MYO18B: variants seen among roughly 807,000 people sequenced by gnomAD.
MYO18B encodes the protein myosin XVIIIB.
MYO18B carries 204 observed loss-of-function variants against 273.0 expected under a neutral mutation model. That is an observed-to-expected ratio of 0.75 (90% confidence interval 0.67 to 0.84). MYO18B has a LOEUF of 0.84. Ranked by LOEUF, MYO18B falls within the 40% of genes least tolerant of loss-of-function variation. MYO18B has a pLI of 0.00. For missense variants in MYO18B, 3,212 were observed against 3,287.6 expected, an observed-to-expected ratio of 0.98 and a Z score of 0.56; for synonymous variants, 1,330 against 1,305.7, an observed-to-expected ratio of 1.02 and a Z score of -0.40.
At chr22:25,849,611 A>G (rs2090363583) in intron 20 of MYO18B, among the ~76,000 whole-genome samples, 1 of 152,176 alleles carries the variant, frequency 6.6e-6, no homozygotes, top group South Asian at 2.1e-4. Flanking sequence ...TATGTAGTAA[A>G]CATTCATTCA....
rs542456995 is a variant in MYO18B, at chr22:25,978,648, C to G, written c.6157-13715C>G. ...GTGGTGTAGATTGATGAGAGGAACA[C>G]CAGTTTAAAACTATGTGAATCCTGG... On this transcript the variant is annotated intron_variant, in intron 39 of 43. Transcript: ENST00000335473. Among the ~76,000 whole-genome samples the G allele has an allele frequency of 2.0e-5, 3 of 151,250 alleles. No homozygotes were observed. The East Asian group carries it at 5.9e-4, about 30-fold the overall frequency.
intron 13 of MYO18B, among the ~76,000 whole-genome samples, chr22:25,824,819 GCACACATGGTGTGCACACCATGTGTGCAT>G (rs146171668): frequency 0.032 from 4,866 of 151,900 alleles, 151 homozygotes; most frequent in East Asian, 0.14. Context: ...ACATGCTTAT[GCACACATGGTGTGCACACCATGTGTGCAT>G]CACACATGAA....
intron 15 of MYO18B, 34 bp downstream of exon 15, chr22:25,829,002 G>A (rs770402927): frequency 1.2e-6 from 2 of 1,606,832 alleles, no homozygotes; most frequent in South Asian, 1.1e-5. Flanking sequence ...TTTCACCAGA[G>A]CTCCGTGGAT....
chr22:25,873,565 C>T (rs1284657217), intron 22 of MYO18B, among the ~76,000 whole-genome samples: 3 of 152,200 alleles, frequency 2.0e-5, no homozygotes, highest in Non-Finnish European at 2.9e-5. Context: ...CTCAGCCTCC[C>T]GAGTAGCTGG....
rs1190512145 is a variant in MYO18B, at chr22:25,768,692, AG to A, written c.779del (p.Gly260AlafsTer43). 11 of 1,565,368 alleles carry A rather than the reference AG, an allele frequency of 7.0e-6. No homozygotes were observed. Among genetic ancestry groups the A allele is most frequent in the Non-Finnish European group, 9.5e-6 (11 of 1,158,384 alleles). ...ACAGAGCTGAAAGAGGCTGAGCCCC[AG>A]GGCAAAGACAGGCAGGGGACCAGGC... ...KTTELKEAEP[Q>X]GKDRQGTRPQ... is the part of the protein sequence containing the mutation. On this transcript the variant is annotated frameshift_variant, in exon 4 of 44. Coordinates refer to ENST00000335473, the MANE Select transcript of MYO18B (RefSeq NM_032608.7). LOFTEE classifies it high-confidence loss of function.
rs1200710461 is a variant in MYO18B, at chr22:25,890,816, G to A, written c.4375G>A (p.Val1459Met). 3.1e-6 allele frequency: 5 copies of A among 1,613,864 alleles called. No individual in the cohort carries two copies. The highest frequency in any genetic ancestry group is 1.7e-5 in the Admixed American group (1 of 59,998). ...CTTCAAAGGTGATGTGGCCTGCCAGGTGCTGGAGAGTGAGCGGGCAGAGCG... is the reference window on the plus strand; with the variant it reads ...CTTCAAAGGTGATGTGGCCTGCCAGATGCTGGAGAGTGAGCGGGCAGAGCG... ...ERFKGDVACQ[V>M]LESERAERLQ... The change falls in exon 26 of 44, where the codon GTG (valine) becomes ATG (methionine). Residue 1459 changes from valine to methionine, a missense_variant. Transcript: ENST00000335473.
rs267606196 is a variant in MYO18B, at chr22:25,769,031, G to C, written c.1115G>C (p.Gly372Ala). 1 of 1,611,650 alleles carries C rather than the reference G, an allele frequency of 6.2e-7. No individual in the cohort carries two copies. Among genetic ancestry groups the C allele is most frequent in the South Asian group, 1.1e-5 (1 of 90,524 alleles). Reference protein sequence around the residue: ...QGELGDDLRMGEKAGELRSTT... With the variant: ...QGELGDDLRMAEKAGELRSTT... ...GAGTTGGGGGACGATCTGAGAATGG[G>C]GGAGAAAGCAGGTGAGCTTCGGAGC... is the stretch of plus-strand genomic sequence containing the variant. Residue 372 changes from glycine (G) to alanine (A), a missense_variant, in exon 4 of 44, where the codon GGG (glycine) becomes GCG (alanine). By Grantham distance (60) the Gly-to-Ala change is moderately conservative. Coordinates refer to ENST00000335473, the MANE Select transcript of MYO18B (RefSeq NM_032608.7).
Position 26,027,701 on chromosome 22 carries a change from C to T in MYO18B, c.*12+11C>T. On this transcript the variant is annotated intron_variant, in intron 43 of 43. Transcript: ENST00000335473. The surrounding 1 kb of genome is among the most constrained non-coding windows in gnomAD (Gnocchi z 4.1). The stretch of plus-strand genomic sequence containing the variant: ...TAGGAACCAGTTCAGGTAAAAGCAA[C>T]AGGCTGGGGCTATTCTTGGGGGAAT... 1 of 1,581,094 alleles carries T rather than the reference C, an allele frequency of 6.3e-7. No individual in the cohort carries two copies. The highest frequency in any genetic ancestry group is 8.6e-7 in the Non-Finnish European group (1 of 1,163,196).
chr22:25,763,452 C>T (rs2086400705), intron 3 of MYO18B, 63 bp downstream of exon 3: 1 of 1,539,334 alleles, frequency 6.5e-7, no homozygotes, highest in Non-Finnish European at 8.7e-7. Flanking sequence ...GTCTTGTGAG[C>T]TTCCTCTGAG....
chr22:25,821,739 T>C (rs2089289542), intron 12 of MYO18B, among the ~76,000 whole-genome samples: 2 of 152,106 alleles, frequency 1.3e-5, no homozygotes, highest in South Asian at 4.1e-4. Context: ...ATTGTGCCAC[T>C]GCACTCCAGC....
chr22:25,922,143 C>G (rs143335842), intron 34 of MYO18B, among the ~76,000 whole-genome samples: 1 of 152,030 alleles, frequency 6.6e-6, no homozygotes, highest in African/African-American at 2.4e-5. Flanking sequence ...TGCAGGTGAT[C>G]GGGTGGCAGA....
At chr22:25,823,870 C>A (rs1347421607) in intron 13 of MYO18B, among the ~76,000 whole-genome samples, 192 bp downstream of exon 13, 1 of 152,220 alleles carries the variant, frequency 6.6e-6, no homozygotes, top group Admixed American at 6.5e-5. Flanking sequence ...ATAACTATCT[C>A]CATTCAGTGG....
intron 39 of MYO18B, among the ~76,000 whole-genome samples, chr22:25,966,300 A>G (rs974952690): frequency 6.6e-6 from 1 of 151,716 alleles, no homozygotes; most frequent in Non-Finnish European, 1.5e-5. Context: ...CCACTCCCAA[A>G]CCCCATGTTT....
intron 40 of MYO18B, among the ~76,000 whole-genome samples, chr22:25,998,833 A>G (rs555767254): frequency 7.9e-4 from 120 of 152,314 alleles, no homozygotes; most frequent in African/African-American, 2.8e-3. Flanking sequence ...TTGATGCTGC[A>G]GTTCAAGTTG....
chr22:25,979,969 A>G (rs1282019246), intron 39 of MYO18B, among the ~76,000 whole-genome samples: 2 of 152,296 alleles, frequency 1.3e-5, no homozygotes, highest in South Asian at 2.1e-4. Flanking sequence ...CCCTGGCGCT[A>G]TGATTACTGA....
In MYO18B at chr22:26,026,503, G is replaced by C. The variant is rs1601864851; in HGVS notation, c.6529G>C (p.Ala2177Pro). ...CCAGTCGGCATTGGCACTGAGCAGA[G>C]CCCGGTCCACCAATGTCCACAGCAA... ...RTQSALALSR[A>P]RSTNVHSKTS... The change falls in exon 43 of 44, where the codon GCC becomes CCC. Residue 2177 changes from alanine to proline, a missense_variant. Transcript: ENST00000335473. The C allele has an allele frequency of 1.9e-6, 3 of 1,613,904 alleles. No individual in the cohort carries two copies. The highest frequency in any genetic ancestry group is 2.5e-6 in the Non-Finnish European group (3 of 1,179,878).
intron 33 of MYO18B, among the ~76,000 whole-genome samples, chr22:25,915,570 G>A (rs1322733981): frequency 6.6e-6 from 1 of 152,170 alleles, no homozygotes; most frequent in African/African-American, 2.4e-5. Flanking sequence ...GCACGTGACT[G>A]TAACTTTAAT....
At chr22:25,843,177 A>AT (rs2090135220) in intron 17 of MYO18B, among the ~76,000 whole-genome samples, 2 of 151,962 alleles carry the variant, frequency 1.3e-5, no homozygotes, top group Admixed American at 1.3e-4. Context: ...GATCAGGCCC[A>AT]TTTTTTTCTC....
chr22:26,051,216 CTT>C, the MYO18B span, among the ~76,000 whole-genome samples: 5,027 of 91,838 alleles, frequency 0.055, 20 homozygotes, highest in Middle Eastern at 0.098. Context: ...TAATTGGTCC[CTT>C]TTTTTTTTTT....
Sources: allele counts gnomAD v4.1 joint callset (sites outside exome capture counted in the v4.1 genomes callset), GRCh38; gene constraint gnomAD v4.1.1; non-coding constraint Gnocchi (gnomAD v3.1); transcripts MANE v1.5; gene names NCBI Gene and HGNC (gene_info 2026-07-23, HGNC 2026-07-21).